The following MALRD1 variants were observed in gnomAD, a reference collection of about 807,000 sequenced individuals.
The protein encoded by MALRD1 is MAM and LDL-receptor class A domain-containing protein 1.
A neutral mutation model predicts 242.1 loss-of-function variants in MALRD1; 247 were observed. That is an observed-to-expected ratio of 1.02 (90% CI 0.92 to 1.13). The LOEUF (loss-of-function observed/expected upper bound fraction) is 1.13. Ranked by LOEUF, MALRD1 falls within the 50% of genes most tolerant of loss-of-function variation. MALRD1 has a pLI of 0.00. For missense variants in MALRD1, 2,989 were observed against 2,533.1 expected (o/e 1.18, Z -3.86); for synonymous variants, 995 against 866.6 (o/e 1.15, Z -2.60).
intron 31 of MALRD1, among the ~76,000 whole-genome samples, chr10:19,530,445 A>T (rs1564417607): frequency 1.8e-5 from 1 of 56,356 alleles, no homozygotes; most frequent in African/African-American, 3.6e-5. Flanking sequence ...TATAATATAT[A>T]ATATATAATA....
At chr10:19,567,953 C>T (rs1015866633) in intron 33 of MALRD1, among the ~76,000 whole-genome samples, 15 of 152,064 alleles carry the variant, frequency 9.9e-5, no homozygotes, top group African/African-American at 2.4e-4. Context: ...AAATTTTGTT[C>T]GGTGAATGTA....
chr10:19,417,287 A>T (rs1448736564), intron 28 of MALRD1, among the ~76,000 whole-genome samples: 1 of 152,044 alleles, frequency 6.6e-6, no homozygotes, highest in African/African-American at 2.4e-5. Flanking sequence ...AATCAATTGG[A>T]TTTACAATAA....
intron 29 of MALRD1, among the ~76,000 whole-genome samples, chr10:19,480,825 C>A (rs1475668061): frequency 6.6e-6 from 1 of 152,096 alleles, no homozygotes; most frequent in Non-Finnish European, 1.5e-5. Context: ...GCCTTCTAAA[C>A]AGGCTTTTTT....
chr10:19,624,473 GTTA>G (rs1014869770), intron 36 of MALRD1, among the ~76,000 whole-genome samples: 61 of 152,240 alleles, frequency 4.0e-4, no homozygotes, highest in African/African-American at 1.3e-3. Flanking sequence ...TAAAAAGTGT[GTTA>G]TTGTTGATAA....
chr10:19,233,134 G>A (rs762350703), intron 18 of MALRD1, among the ~76,000 whole-genome samples: 4 of 152,070 alleles, frequency 2.6e-5, no homozygotes, highest in Non-Finnish European at 4.4e-5. Flanking sequence ...TTTGTTACAG[G>A]CGTGCAGTGT....
At chr10:19,344,253 C>T (rs556805226) in intron 24 of MALRD1, among the ~76,000 whole-genome samples, 1 of 152,174 alleles carries the variant, frequency 6.6e-6, no homozygotes, top group South Asian at 2.1e-4. Context: ...CCCTGATTTT[C>T]TCCTTTGTGT....
At chr10:19,354,369 G>C (rs541694729) in intron 26 of MALRD1, among the ~76,000 whole-genome samples, 1 of 151,916 alleles carries the variant, frequency 6.6e-6, no homozygotes, top group Non-Finnish European at 1.5e-5. Flanking sequence ...CAAGTGGGTA[G>C]GAAAAAAATG....
intron 29 of MALRD1, 88 bp from the exon 30 acceptor site, chr10:19,491,429 G>A: frequency 6.9e-7 from 1 of 1,453,324 alleles, no homozygotes; most frequent in Admixed American, 2.0e-5. Flanking sequence ...GCTTACTAGT[G>A]TGAAATCTAT....
At chr10:19,254,066 T>TC (rs1442582138) in intron 18 of MALRD1, among the ~76,000 whole-genome samples, 2 of 152,024 alleles carry the variant, frequency 1.3e-5, no homozygotes, top group Non-Finnish European at 2.9e-5. Flanking sequence ...TCTTGAGGCC[T>TC]CCCCAGCCCT....
chr10:19,723,286 A>T (rs866692925), intron 38 of MALRD1, among the ~76,000 whole-genome samples: 2 of 152,230 alleles, frequency 1.3e-5, no homozygotes, highest in Middle Eastern at 3.2e-3. Flanking sequence ...CATTGTAATT[A>T]TCCTAATTTC....
chr10:19,608,400 A>G (rs1838737276), intron 35 of MALRD1, among the ~76,000 whole-genome samples: 1 of 152,086 alleles, frequency 6.6e-6, no homozygotes, highest in African/African-American at 2.4e-5. Flanking sequence ...GAACATGTAT[A>G]CAGCATAGGA....
chr10:19,114,199 A>G (rs1289470102), intron 5 of MALRD1, among the ~76,000 whole-genome samples: 3 of 152,222 alleles, frequency 2.0e-5, no homozygotes, highest in Non-Finnish European at 4.4e-5. Context: ...CTCAAACTAT[A>G]TAATGAGGCT....
chr10:19,216,980 A>T (rs2358362), intron 18 of MALRD1, among the ~76,000 whole-genome samples: 57,192 of 147,454 alleles, frequency 0.39, 11,986 homozygotes, highest in Admixed American at 0.48. Context: ...TAAAATTAAA[A>T]AAAATGATGT....
intron 28 of MALRD1, among the ~76,000 whole-genome samples, chr10:19,417,383 T>C (rs919404600): frequency 6.6e-6 from 1 of 152,236 alleles, no homozygotes; most frequent in African/African-American, 2.4e-5. Context: ...ATGTGACTTA[T>C]CTTCCCCAAA....
chr10:19,242,194 C>A (rs565793469), intron 18 of MALRD1, among the ~76,000 whole-genome samples: 2 of 152,146 alleles, frequency 1.3e-5, no homozygotes, highest in Non-Finnish European at 2.9e-5. Flanking sequence ...TACATGGTAG[C>A]AAACAAAATA....
chr10:19,530,312 T>G (rs905743869), intron 31 of MALRD1, among the ~76,000 whole-genome samples: 1 of 139,684 alleles, frequency 7.2e-6, no homozygotes, highest in South Asian at 2.2e-4. Flanking sequence ...ATTGTTGAAA[T>G]GTTGAAATTT....
chr10:19,484,791 G>A (rs2131190878), intron 29 of MALRD1, among the ~76,000 whole-genome samples: 2 of 152,218 alleles, frequency 1.3e-5, no homozygotes, highest in East Asian at 1.9e-4. Flanking sequence ...AAAGGTAGAT[G>A]TACCATTTGA....
At chr10:19,473,039 C>T (rs11010096) in intron 29 of MALRD1, among the ~76,000 whole-genome samples, 128,078 of 148,726 alleles carry the variant, frequency 0.86, 55,304 homozygotes, top group East Asian at 1. Context: ...CCACACTCAA[C>T]GGAAACTGAA....
At chr10:19,328,286 A>C (rs538056794) in intron 23 of MALRD1, among the ~76,000 whole-genome samples, 1 of 152,168 alleles carries the variant, frequency 6.6e-6, no homozygotes, top group African/African-American at 2.4e-5. Flanking sequence ...ATGGATTACC[A>C]AGAAAGCAAG....
Sources: gnomAD v4.1 joint callset for allele counts (sites outside exome capture counted in the v4.1 genomes callset) on GRCh38, gnomAD v4.1.1 for gene constraint, MANE v1.5 for transcripts, NCBI Gene and HGNC (gene_info 2026-07-23, HGNC 2026-07-21) for gene names.